The following DACH1 variants were observed in gnomAD, a reference collection of about 807,000 sequenced individuals.
The protein encoded by DACH1 is dachshund homolog 1.
Under a neutral mutation model 54.2 loss-of-function variants are expected in DACH1, and 12 were observed. The observed-to-expected ratio is 0.22, with a 90% CI of 0.14 to 0.36. The LOEUF is 0.36. Among genes scored for constraint, DACH1 ranks in the 10% least tolerant of loss-of-function variants. The pLI, the probability that DACH1 is intolerant of heterozygous loss-of-function variation, is 1.00. For missense variants in DACH1, 805 were observed against 929.8 expected (o/e 0.87, Z 1.75); for synonymous variants, 386 against 366.2 (o/e 1.05, Z -0.62).
chr13:71,778,322 C>T (rs1444597933), intron 1 of DACH1, among the ~76,000 whole-genome samples: 2 of 151,936 alleles, frequency 1.3e-5, no homozygotes, highest in Non-Finnish European at 2.9e-5. Context: ...TTGATTTTTA[C>T]ATAAGTCAAA....
At chr13:71,718,574 T>TG (rs79551773) in intron 1 of DACH1, among the ~76,000 whole-genome samples, 35 of 19,342 alleles carry the variant, frequency 1.8e-3, no homozygotes, top group African/African-American at 7.9e-3. Flanking sequence ...AGACCATATC[T>TG]GAAAAAAAAA....
intron 2 of DACH1, among the ~76,000 whole-genome samples, chr13:71,666,524 T>C (rs1879845131): frequency 6.6e-6 from 1 of 152,226 alleles, no homozygotes. Context: ...CCAACTATGC[T>C]ACTTATGAAA....
chr13:71,736,259 TTAGAA>T (rs1566469030), intron 1 of DACH1, among the ~76,000 whole-genome samples: 1 of 152,134 alleles, frequency 6.6e-6, no homozygotes, highest in African/African-American at 2.4e-5. Flanking sequence ...GTGATTCACC[TTAGAA>T]TAGATTACCA....
intron 6 of DACH1, among the ~76,000 whole-genome samples, chr13:71,490,123 C>G (rs1593777247): frequency 6.6e-6 from 1 of 152,078 alleles, no homozygotes; most frequent in East Asian, 1.9e-4. Flanking sequence ...ATATTTCACC[C>G]CAGGAAAATT....
chr13:71,469,991 A>G (rs902854012), intron 10 of DACH1, among the ~76,000 whole-genome samples: 10 of 152,202 alleles, frequency 6.6e-5, no homozygotes, highest in East Asian at 1.9e-4. Context: ...CAACTTGCAG[A>G]TAGTCTAAGA....
chr13:71,636,364 A>G (rs1877487262), intron 2 of DACH1, among the ~76,000 whole-genome samples: 1 of 152,128 alleles, frequency 6.6e-6, no homozygotes, highest in Admixed American at 6.6e-5. Context: ...AGAAACTTTA[A>G]TGCATATTTA....
intron 1 of DACH1, among the ~76,000 whole-genome samples, chr13:71,766,209 C>T (rs1885622818): frequency 6.6e-6 from 1 of 152,066 alleles, no homozygotes; most frequent in Non-Finnish European, 1.5e-5. Flanking sequence ...TTACTATTTC[C>T]CCTAAATTTC....
At chr13:71,692,014 C>CAG (rs1164550029) in intron 1 of DACH1, among the ~76,000 whole-genome samples, 1 of 129,134 alleles carries the variant, frequency 7.7e-6, no homozygotes, top group Non-Finnish European at 1.6e-5. Context: ...CCCCATTACA[C>CAG]ACACACACAC....
At chr13:71,806,230 A>T (rs1009591614) in intron 1 of DACH1, among the ~76,000 whole-genome samples, 5 of 152,172 alleles carry the variant, frequency 3.3e-5, no homozygotes, top group African/African-American at 9.6e-5. Context: ...AGGCTATTTG[A>T]GGAAATGTCG....
intron 1 of DACH1, among the ~76,000 whole-genome samples, chr13:71,784,621 A>T (rs1886516303): frequency 6.6e-6 from 1 of 152,086 alleles, no homozygotes; most frequent in African/African-American, 2.4e-5. Context: ...GCAATTATAC[A>T]AATTCTCTTA....
At chr13:71,558,224 T>TAAC (rs992055806) in intron 5 of DACH1, among the ~76,000 whole-genome samples, 7 of 152,020 alleles carry the variant, frequency 4.6e-5, no homozygotes, top group Non-Finnish European at 7.4e-5. Context: ...AGAACTTGAT[T>TAAC]GGTTGACTGA....
At chr13:71,466,144 G>T (rs554776545) in intron 10 of DACH1, among the ~76,000 whole-genome samples, 1 of 151,908 alleles carries the variant, frequency 6.6e-6, no homozygotes, top group Non-Finnish European at 1.5e-5. Flanking sequence ...GAATTTCACC[G>T]GTGCACTGTT....
intron 6 of DACH1, among the ~76,000 whole-genome samples, chr13:71,515,388 C>T (rs957924287): frequency 1.3e-5 from 2 of 151,764 alleles, no homozygotes; most frequent in African/African-American, 4.8e-5. Flanking sequence ...AATATTTTCA[C>T]GGAGTCAGCA....
chr13:71,507,460 T>C (rs1566304463), intron 6 of DACH1, among the ~76,000 whole-genome samples: 1 of 152,184 alleles, frequency 6.6e-6, no homozygotes, highest in Non-Finnish European at 1.5e-5. Context: ...ATCATAAATT[T>C]AATCAGGAAC....
At chr13:71,693,849 A>G (rs920173484) in intron 1 of DACH1, among the ~76,000 whole-genome samples, 1 of 152,156 alleles carries the variant, frequency 6.6e-6, no homozygotes, top group African/African-American at 2.4e-5. Flanking sequence ...AATACAGCAT[A>G]TATAAGGTTA....
At chr13:71,497,503 G>A (rs1200537953) in intron 6 of DACH1, among the ~76,000 whole-genome samples, 1 of 151,904 alleles carries the variant, frequency 6.6e-6, no homozygotes, top group Admixed American at 6.6e-5. Context: ...GGCTAATTTT[G>A]TATTTGTTGG....
At chr13:71,708,322 C>T (rs1355393645) in intron 1 of DACH1, among the ~76,000 whole-genome samples, 2 of 152,064 alleles carry the variant, frequency 1.3e-5, no homozygotes, top group African/African-American at 4.8e-5. Context: ...TTAAGTTTTT[C>T]ACTTCTCAAC....
intron 3 of DACH1, among the ~76,000 whole-genome samples, chr13:71,585,584 G>A (rs915767239): frequency 3.9e-5 from 6 of 152,124 alleles, no homozygotes; most frequent in Non-Finnish European, 5.9e-5. Flanking sequence ...ATACATAAAC[G>A]GTGCGTCTGG....
chr13:71,556,915 A>C, intron 6 of DACH1, 109 bp downstream of exon 6: 1 of 1,198,328 alleles, frequency 8.3e-7, no homozygotes, highest in Non-Finnish European at 1.1e-6. Context: ...AAAAACATTT[A>C]TATGCTTTTT....
Sources: gnomAD v4.1 joint callset for allele counts (sites outside exome capture counted in the v4.1 genomes callset) on GRCh38, gnomAD v4.1.1 for gene constraint, MANE v1.5 for transcripts, NCBI Gene and HGNC (gene_info 2026-07-23, HGNC 2026-07-21) for gene names.